DLGAP4: variants seen among roughly 807,000 people sequenced by gnomAD.
The protein encoded by DLGAP4 is DLG associated protein 4.
A neutral mutation model predicts 86.9 loss-of-function variants in DLGAP4; 18 were observed. That is an observed-to-expected ratio of 0.21 (90% CI 0.14 to 0.31). The LOEUF is 0.31. Ranked by LOEUF, DLGAP4 falls within the 10% of genes least tolerant of loss-of-function variation. The pLI is 1.00. For missense variants in DLGAP4, 1,085 were observed against 1,362.6 expected (o/e 0.80, Z 3.21); for synonymous variants, 548 against 574.3 (o/e 0.95, Z 0.65).
intron 2 of DLGAP4, among the ~76,000 whole-genome samples, chr20:36,380,015 C>T (rs1269551921): frequency 1.3e-5 from 2 of 151,988 alleles, no homozygotes; most frequent in South Asian, 2.1e-4. Context: ...GACTCTGTCT[C>T]TACAGAAAAT....
chr20:36,406,547 G>A (rs1226709817), intron 2 of DLGAP4, among the ~76,000 whole-genome samples: 2 of 152,128 alleles, frequency 1.3e-5, no homozygotes, highest in African/African-American at 2.4e-5. Context: ...TCACAGGGCT[G>A]GGAAGGGGTG....
At chr20:36,464,186 C>T (rs181036894) in intron 7 of DLGAP4, among the ~76,000 whole-genome samples, 10 of 152,314 alleles carry the variant, frequency 6.6e-5, no homozygotes, top group African/African-American at 1.7e-4. Flanking sequence ...AGGGATGTCA[C>T]TTTCCTTTGG....
At chr20:36,525,729 T>C (rs1012117625) in intron 11 of DLGAP4, 122 bp from the exon 12 acceptor site, 3 of 1,316,940 alleles carry the variant, frequency 2.3e-6, no homozygotes, top group Non-Finnish European at 3.2e-6. Flanking sequence ...ACCCAGACAC[T>C]AGGCCTCAAG....
chr20:36,433,819 T>A lies in DLGAP4; in HGVS notation c.999+1103T>A, dbSNP rs1287365316. Among the ~76,000 whole-genome samples the A allele has an allele frequency of 2.0e-5, 3 of 151,342 alleles. No homozygotes were observed. The South Asian group carries it at 6.3e-4, about 32-fold the overall frequency. On this transcript the variant is annotated intron_variant, in intron 3 of 12. Transcript: ENST00000339266. The stretch of plus-strand genomic sequence containing the variant: ...GGCACCCGCCACCATGCCTGGTTAA[T>A]TTTTTGTATGTTTAATAGAGACGGG...
intron 2 of DLGAP4, among the ~76,000 whole-genome samples, chr20:36,377,188 C>A (rs2031189866): frequency 6.6e-6 from 1 of 152,176 alleles, no homozygotes; most frequent in African/African-American, 2.4e-5. Flanking sequence ...CTTTTGGATA[C>A]AAAGAATTCT....
chr20:36,432,420 G>C lies in DLGAP4; in HGVS notation c.703G>C (p.Glu235Gln), dbSNP rs564500373. The C allele has an allele frequency of 1.7e-5, 28 of 1,613,732 alleles. No individual in the cohort carries two copies. In the South Asian group the frequency reaches 3.1e-4, roughly 18 times the overall value. Residue 235 changes from glutamate (E) to glutamine (Q), a missense_variant, in exon 3 of 13, where the codon GAA becomes CAA. Coordinates refer to ENST00000339266, the MANE Select transcript of DLGAP4 (RefSeq NM_001365621.2). The surrounding 1 kb of genome is among the most constrained non-coding windows in gnomAD (Gnocchi z 6.5). ...GCTGATGACACTAGGCCGCCAGGCA[G>C]AACGCAGCCAGCCACGCTACTTCAT... is the stretch of plus-strand genomic sequence containing the variant. ...SGLMTLGRQA[E>Q]RSQPRYFMHA...
chr20:36,461,736 T>TCCGCCCGC (rs1335161214), intron 7 of DLGAP4: 1 of 888,738 alleles, frequency 1.1e-6, no homozygotes, highest in Non-Finnish European at 1.3e-6. Context: ...CGTCTGTCCG[T>TCCGCCCGC]CCGTCCGTCC....
intron 7 of DLGAP4, among the ~76,000 whole-genome samples, chr20:36,475,355 C>T (rs1210656349): frequency 1.3e-5 from 2 of 151,970 alleles, no homozygotes; most frequent in Non-Finnish European, 2.9e-5. Context: ...GGATTACAGG[C>T]GCCTGCCACC....
Position 36,500,548 on chromosome 20 carries a change from C to T in DLGAP4, c.2449C>T (p.Arg817Trp). Residue 817 changes from arginine (R) to tryptophan (W), a missense_variant, in exon 10 of 13, where the codon CGG (arginine) becomes TGG (tryptophan). Coordinates refer to ENST00000339266, the MANE Select transcript of DLGAP4 (RefSeq NM_001365621.2). This position sits in a 1 kb window ranked among gnomAD's most constrained non-coding sequence, Gnocchi z 4.6. ...FLKLLQAETERLEGWCCQMDK... is the reference protein window; with the variant it reads ...FLKLLQAETEWLEGWCCQMDK... ...AAAGCTACTGCAGGCAGAAACAGAG[C>T]GGCTGGAAGGCTGGTGCTGCCAGAT... 2.0e-6 allele frequency: 3 copies of T among 1,537,496 alleles called. No individual in the cohort carries two copies. Among genetic ancestry groups the T allele is most frequent in the Non-Finnish European group, 2.6e-6 (3 of 1,145,108 alleles).
At chr20:36,338,553 G>C (rs1484127249) in intron 1 of DLGAP4, among the ~76,000 whole-genome samples, 3 of 152,114 alleles carry the variant, frequency 2.0e-5, no homozygotes, top group African/African-American at 7.2e-5. Context: ...GCCTGGGCAA[G>C]AAGAGTGAAA....
At chr20:36,374,097 C>T (rs2147429496) in intron 2 of DLGAP4, among the ~76,000 whole-genome samples, 1 of 151,590 alleles carries the variant, frequency 6.6e-6, no homozygotes, top group East Asian at 1.9e-4. Context: ...CGGTCAGAAG[C>T]TCACTGAGGC....
chr20:36,317,853 A>G (rs983879368), intron 1 of DLGAP4, among the ~76,000 whole-genome samples: 4 of 152,092 alleles, frequency 2.6e-5, no homozygotes, highest in Admixed American at 2.6e-4. Context: ...GCACAGTCAT[A>G]AAGAGCAGCC....
intron 7 of DLGAP4, among the ~76,000 whole-genome samples, chr20:36,467,005 C>G (rs1251322908): frequency 1.4e-5 from 2 of 141,892 alleles, no homozygotes; most frequent in South Asian, 2.4e-4. Flanking sequence ...CTGTCTCTCT[C>G]TCTCTCTCTC....
rs2036082451 is a variant in DLGAP4, at chr20:36,500,234, G to A, written c.2135G>A (p.Arg712Gln). The change falls in exon 10 of 13, where the codon CGG becomes CAG. Residue 712 changes from arginine (R) to glutamine (Q), a missense_variant. Physicochemically the swap from Arg to Gln is conservative, Grantham distance 43 (BLOSUM62 1). Around this residue, in one of 2 missense-constraint regions of DLGAP4, gnomAD observed 1,082 missense variants for 1,344.1 expected, o/e 0.81. Coordinates refer to ENST00000339266, the MANE Select transcript of DLGAP4 (RefSeq NM_001365621.2). The surrounding 1 kb of genome is among the most constrained non-coding windows in gnomAD (Gnocchi z 4.6). ...SVPSHSMSSR[R>Q]DTDSDTQDAN... ...CCCTCTCACAGTATGTCCTCCCGAC[G>A]GGACACAGACTCGGATACCCAGGAT... is the stretch of plus-strand genomic sequence containing the variant. 1.3e-6 allele frequency: 2 copies of A among 1,540,334 alleles called. No individual in the cohort carries two copies. Among genetic ancestry groups the A allele is most frequent in the Non-Finnish European group, 1.8e-6 (2 of 1,138,428 alleles).
At chr20:36,330,444 C>T (rs1415274468) in intron 1 of DLGAP4, among the ~76,000 whole-genome samples, 14 of 152,120 alleles carry the variant, frequency 9.2e-5, no homozygotes, top group South Asian at 4.1e-4. Context: ...ATTTACTCTC[C>T]GTGGGACCTC....
chr20:36,456,528 C>T (rs909265273), intron 7 of DLGAP4, among the ~76,000 whole-genome samples: 8 of 152,176 alleles, frequency 5.3e-5, no homozygotes, highest in African/African-American at 1.7e-4. Flanking sequence ...ACCCAGGAGG[C>T]CTTCCCAGAA....
rs569430649 is a variant in DLGAP4, at chr20:36,409,712, C to CA, written c.-72-21921dup. Among the ~76,000 whole-genome samples, 552 of 128,712 alleles carry CA rather than the reference C, an allele frequency of 4.3e-3. 2 individuals carry two copies. Among genetic ancestry groups the CA allele is most frequent in the African/African-American group, 0.012 (433 of 34,800 alleles). The allele number at this position is 128,712 out of a possible 152,430, so 84.4% of individuals were successfully genotyped here. On this transcript the variant is annotated intron_variant, in intron 2 of 12. Coordinates refer to ENST00000339266, the MANE Select transcript of DLGAP4 (RefSeq NM_001365621.2). ...CCTGGGCAACAGAGCAAGACTGTCT[C>CA]AAAAAAAAAAAAAGAAACATAATAA... is the stretch of plus-strand genomic sequence containing the variant.
At chr20:36,488,442 T>G (rs2035514783) in intron 7 of DLGAP4, among the ~76,000 whole-genome samples, 1 of 152,164 alleles carries the variant, frequency 6.6e-6, no homozygotes, top group Non-Finnish European at 1.5e-5. Flanking sequence ...TCACTGTAGT[T>G]ATGTTCACAG....
intron 1 of DLGAP4, among the ~76,000 whole-genome samples, chr20:36,332,012 G>T (rs1478843344): frequency 1.3e-5 from 2 of 152,024 alleles, no homozygotes; most frequent in African/African-American, 4.8e-5. Context: ...GAGAAATAAG[G>T]ACAGGGGGTG....
Sources: allele counts gnomAD v4.1 joint callset (sites outside exome capture counted in the v4.1 genomes callset), GRCh38; gene constraint gnomAD v4.1.1; regional missense constraint gnomAD v4.1.1; non-coding constraint Gnocchi (gnomAD v3.1); transcripts MANE v1.5; gene names NCBI Gene and HGNC (gene_info 2026-07-23, HGNC 2026-07-21).